The following TRPM3 variants were observed in gnomAD, a reference collection of about 807,000 sequenced individuals.
TRPM3 encodes the protein long transient receptor potential channel 3.
In TRPM3, 77 loss-of-function variants were observed where a neutral mutation model predicts 181.2. The ratio of observed to expected loss-of-function variants is 0.42; its 90% CI spans 0.35 to 0.51. The LOEUF is 0.51. Ranked by LOEUF, TRPM3 falls within the 20% of genes least tolerant of loss-of-function variation. TRPM3 has a pLI of 0.01. For missense variants in TRPM3, 1,759 were observed against 2,196.7 expected, an observed-to-expected ratio of 0.80 and a Z score of 3.98; for synonymous variants, 745 against 796.4, an observed-to-expected ratio of 0.94 and a Z score of 1.09.
At chr9:70,951,193 A>G (rs1490174968) in intron 1 of TRPM3, among the ~76,000 whole-genome samples, 3 of 152,186 alleles carry the variant, frequency 2.0e-5, no homozygotes, top group Non-Finnish European at 4.4e-5. Context: ...TTAGGAATGT[A>G]AAAGATCCAG....
At chr9:71,399,521 C>CTTTTTTTTTTTTTTTTTTTTTTTTTTT (rs1415739241) in intron 1 of TRPM3, among the ~76,000 whole-genome samples, 1 of 107,520 alleles carries the variant, frequency 9.3e-6, no homozygotes. Flanking sequence ...CTTATATTTT[C>CTTTTTTTTTTTTTTTTTTTTTTTTTTT]TTTTGTTTTT....
At chr9:70,945,942 C>A (rs2133617272) in intron 1 of TRPM3, among the ~76,000 whole-genome samples, 1 of 152,176 alleles carries the variant, frequency 6.6e-6, no homozygotes, top group Admixed American at 6.5e-5. Context: ...AAGTATAGTA[C>A]ATGAATAACA....
intron 22 of TRPM3, among the ~76,000 whole-genome samples, chr9:70,566,328 C>T (rs797019688): frequency 3.3e-5 from 5 of 152,134 alleles, no homozygotes; most frequent in African/African-American, 1.2e-4. Flanking sequence ...GGAAAGGATG[C>T]TCTAAGCACC....
At chr9:70,916,942 C>T (rs1265714620) in intron 1 of TRPM3, 4 of 1,272,950 alleles carry the variant, frequency 3.1e-6, no homozygotes, top group Non-Finnish European at 4.4e-6. Context: ...GGTGGCACTG[C>T]AAATTGGCTT....
At chr9:70,864,647 G>C (rs1234836152) in intron 1 of TRPM3, 136 bp from the exon 2 acceptor site, 3 of 479,304 alleles carry the variant, frequency 6.3e-6, no homozygotes, top group African/African-American at 6.1e-5. Context: ...CTGAAATTGT[G>C]ATTATTTCAC....
At position 71,187,904 on chromosome 9, in the gene TRPM3, T is replaced by C. The variant is rs59316752; in HGVS notation, c.183+258749A>G. ...GGCAGACAGATGATAGATAGATAGA[T>C]AGATAGATAGATAGATAGATAGATA... On this transcript the variant is annotated intron_variant, in intron 1 of 24. Coordinates refer to the TRPM3 transcript ENST00000357533. Among the ~76,000 whole-genome samples, 318 of 90,326 alleles carry C rather than the reference T, an allele frequency of 3.5e-3. 1 individual carries two copies. Among genetic ancestry groups the C allele is most frequent in the African/African-American group, 0.015 (300 of 20,548 alleles). 59.3% of individuals were successfully genotyped at this position (90,326 alleles called of 152,430 possible).
Position 71,030,981 on chromosome 9 carries a change from G to A in TRPM3, c.177+90197C>T, listed in dbSNP as rs141051994. ...TTGAAATGTTGAACTTATGGGATTTGGGGGTTTATTTCAGCATTTCTGTAT... is the reference window on the plus strand; with the variant it reads ...TTGAAATGTTGAACTTATGGGATTTAGGGGTTTATTTCAGCATTTCTGTAT... On this transcript the variant is annotated intron_variant, in intron 1 of 25. Coordinates refer to ENST00000677713, the MANE Select transcript of TRPM3 (RefSeq NM_001366145.2). Among the ~76,000 whole-genome samples the A allele has an allele frequency of 2.5e-3, 374 of 152,246 alleles. 2 individuals are homozygous for A. Among genetic ancestry groups the A allele is most frequent in the Non-Finnish European group, 4.1e-3 (279 of 68,022 alleles).
At chr9:71,284,005 G>C (rs2085070518) in intron 1 of TRPM3, among the ~76,000 whole-genome samples, 1 of 152,206 alleles carries the variant, frequency 6.6e-6, no homozygotes, top group Admixed American at 6.5e-5. Context: ...TAGGGAGGCA[G>C]AATGCCTGAT....
chr9:70,781,831 C>T (rs7847652), intron 7 of TRPM3, among the ~76,000 whole-genome samples: 33,650 of 151,916 alleles, frequency 0.22, 4,507 homozygotes, highest in Non-Finnish European at 0.3. Flanking sequence ...AGTATTTTAA[C>T]GTATTTATAT....
intron 6 of TRPM3, among the ~76,000 whole-genome samples, chr9:70,823,135 A>G (rs1386167045): frequency 6.6e-6 from 1 of 151,550 alleles, no homozygotes; most frequent in African/African-American, 2.4e-5. Flanking sequence ...GCTCCCCCCG[A>G]CCCCACGCAC....
intron 1 of TRPM3, among the ~76,000 whole-genome samples, chr9:70,972,070 A>G (rs2097252804): frequency 3.9e-5 from 6 of 152,192 alleles, no homozygotes; most frequent in Admixed American, 3.3e-4. Flanking sequence ...TGACCTGGCA[A>G]TTCTTTTCCG....
chr9:70,609,534 T>C (rs2061704701), intron 19 of TRPM3, among the ~76,000 whole-genome samples: 1 of 151,932 alleles, frequency 6.6e-6, no homozygotes, highest in African/African-American at 2.4e-5. Context: ...TGGAGACATT[T>C]TGATTGTCAT....
intron 20 of TRPM3, among the ~76,000 whole-genome samples, chr9:70,602,106 C>CGTTTTTTTTTTTTTTTTTTTTTTT (rs778037711): frequency 7.8e-6 from 1 of 128,204 alleles, no homozygotes; most frequent in South Asian, 2.4e-4. Context: ...CAAGGCATTC[C>CGTTTTTTTTTTTTTTTTTTTTTTT]TTTTTTTTTT....
chr9:70,812,839 T>G (rs961630082), intron 6 of TRPM3, among the ~76,000 whole-genome samples: 1 of 152,216 alleles, frequency 6.6e-6, no homozygotes, highest in Non-Finnish European at 1.5e-5. Context: ...GGGGTGAGAT[T>G]AGTGGTACTA....
At chr9:71,218,246 A>G (rs948338774) in intron 1 of TRPM3, among the ~76,000 whole-genome samples, 4 of 152,292 alleles carry the variant, frequency 2.6e-5, no homozygotes, top group Admixed American at 1.3e-4. Flanking sequence ...ATTCCTCTTT[A>G]TCTCAGATAT....
chr9:70,845,174 C>T (rs530460964), intron 4 of TRPM3, among the ~76,000 whole-genome samples: 8 of 152,076 alleles, frequency 5.3e-5, no homozygotes, highest in South Asian at 2.1e-4. Context: ...AGAGAATTCT[C>T]AGTGTAGGTC....
At chr9:71,179,463 CTTTGCTTTA>C (rs1233202346) in intron 1 of TRPM3, among the ~76,000 whole-genome samples, 37 of 152,210 alleles carry the variant, frequency 2.4e-4, no homozygotes, top group African/African-American at 8.9e-4. Flanking sequence ...TTTGACTTTG[CTTTGCTTTA>C]TTAGAAACCA....
In TRPM3 at chr9:70,969,733, A is replaced by G. The variant is rs2097219496; in HGVS notation, c.178-105222T>C. Among the ~76,000 whole-genome samples the G allele has an allele frequency of 2.3e-5, 3 of 133,278 alleles. No homozygotes were observed. In the Admixed American group the frequency reaches 2.4e-4, roughly 11 times the overall value. 87.4% of individuals were successfully genotyped at this position (133,278 alleles called of 152,430 possible). A position where few individuals can be genotyped will look rare whatever the true frequency, so the allele number is the denominator to read the frequency against. The stretch of plus-strand genomic sequence containing the variant: ...CATAATAATCCTACACACCTGCAGG[A>G]TTGTTGTGAAGACTGAATGATTTTA... On this transcript the variant is annotated intron_variant, in intron 1 of 25. Coordinates refer to ENST00000677713, the MANE Select transcript of TRPM3 (RefSeq NM_001366145.2).
At position 70,959,433 on chromosome 9, in the gene TRPM3, G is replaced by A. The variant is rs146119970; in HGVS notation, c.178-94922C>T. 3.1e-3 allele frequency among the ~76,000 whole-genome samples: 469 copies of A among 151,466 alleles called. 5 individuals carry two copies. In the South Asian group the frequency reaches 0.035, roughly 11 times the overall value. ...CAAGATGTTTTTGAATGAAAGAAAT[G>A]GAAAGTATCACTTTAACAAAGAGAA... On this transcript the variant is annotated intron_variant, in intron 1 of 25. Coordinates refer to ENST00000677713, the MANE Select transcript of TRPM3 (RefSeq NM_001366145.2).
Sources: allele counts gnomAD v4.1 joint callset (sites outside exome capture counted in the v4.1 genomes callset), GRCh38; gene constraint gnomAD v4.1.1; transcripts MANE v1.5; gene names NCBI Gene and HGNC (gene_info 2026-07-23, HGNC 2026-07-21).